The following COX10 variants were observed in gnomAD, a reference collection of about 807,000 sequenced individuals.
The protein encoded by COX10 is cytochrome c oxidase assembly factor heme A:farnesyltransferase COX10, also known as protoheme IX farnesyltransferase, mitochondrial.
COX10 carries 27 observed loss-of-function variants against 37.3 expected under a neutral mutation model. The ratio of observed to expected loss-of-function variants is 0.72; its 90% CI spans 0.53 to 1.00. The LOEUF (loss-of-function observed/expected upper bound fraction) is 1.00. Among genes scored for constraint, COX10 ranks in the 50% least tolerant of loss-of-function variants. The probability of loss-of-function intolerance (pLI) is 0.00; values close to 1 mark genes in which losing one functional copy is unlikely to be tolerated. For missense variants in COX10, 475 were observed against 563.2 expected (o/e 0.84, Z 1.59); for synonymous variants, 222 against 229.1 (o/e 0.97, Z 0.28).
chr17:14,096,661 C>T (rs954754106), intron 3 of COX10, among the ~76,000 whole-genome samples: 7 of 152,094 alleles, frequency 4.6e-5, no homozygotes, highest in African/African-American at 1.7e-4. Flanking sequence ...TGTGCCATGG[C>T]ATCTGGCAAA....
At chr17:14,183,927 A>G (rs1211300035) in intron 5 of COX10, among the ~76,000 whole-genome samples, 2 of 152,398 alleles carry the variant, frequency 1.3e-5, no homozygotes, top group East Asian at 3.9e-4. Context: ...TACACTTAGC[A>G]TAGTGGCTAT....
At chr17:14,086,546 C>T (rs79037012) in intron 3 of COX10, among the ~76,000 whole-genome samples, 1,745 of 152,116 alleles carry the variant, frequency 0.011, 26 homozygotes, top group African/African-American at 0.038. Flanking sequence ...TCTTCTTTTA[C>T]GCCTCTTGAG....
intron 3 of COX10, among the ~76,000 whole-genome samples, chr17:14,085,902 A>T (rs1043423676): frequency 5.9e-5 from 9 of 152,192 alleles, no homozygotes; most frequent in African/African-American, 1.7e-4. Flanking sequence ...TGTCAATTCA[A>T]TGTGTGAAAG....
In COX10 at chr17:14,097,094, G is replaced by A. The variant is rs980056285; in HGVS notation, c.500-5024G>A. 3.9e-5 allele frequency among the ~76,000 whole-genome samples: 6 copies of A among 152,086 alleles called. No individual in the cohort carries two copies. The South Asian group carries it at 1.2e-3, about 32-fold the overall frequency. On this transcript the variant is annotated intron_variant, in intron 3 of 6. Transcript: ENST00000261643. Reference sequence around the variant, plus strand: ...ATATAATTTCAGGTATTATTAATGAGGGAATAGATTGCATTCACTTTTAAT... The same window carrying A: ...ATATAATTTCAGGTATTATTAATGAAGGAATAGATTGCATTCACTTTTAAT...
chr17:14,183,025 A>C (rs1033865082), intron 5 of COX10, among the ~76,000 whole-genome samples: 3 of 151,604 alleles, frequency 2.0e-5, no homozygotes, highest in African/African-American at 7.3e-5. Context: ...AGTAAACAAA[A>C]CAATGTTATA....
chr17:14,078,958 T>C (rs1328101968), intron 3 of COX10, among the ~76,000 whole-genome samples: 1 of 152,166 alleles, frequency 6.6e-6, no homozygotes, highest in African/African-American at 2.4e-5. Flanking sequence ...GCCTGTCTTA[T>C]ATCCAGTCAG....
chr17:14,077,281 AC>A (rs1915177920), intron 3 of COX10: 3 of 526,968 alleles, frequency 5.7e-6, no homozygotes, highest in Non-Finnish European at 1.0e-5. Flanking sequence ...AAAAATAGTC[AC>A]CCTTTCCTTT....
intron 3 of COX10, among the ~76,000 whole-genome samples, chr17:14,100,073 T>G (rs2142198619): frequency 6.6e-6 from 1 of 152,274 alleles, no homozygotes; most frequent in South Asian, 2.1e-4. Context: ...TTTACAACCC[T>G]TATTCACAAT....
rs2856140 is a variant in COX10 at position 14,177,157 on chromosome 17, A to T, written c.696-14832A>T. 4.6e-6 allele frequency: 3 copies of T among 651,228 alleles called. No homozygotes were observed. The East Asian group carries it at 8.2e-5, about 18-fold the overall frequency. The allele number at this position is 651,228 out of a possible 1,614,324, so 40.3% of individuals were successfully genotyped here. ...CCAGCAGTCGCCAGGTGTCTCTCAC[A>T]CTGCTGGGAGAGGAATGTCTCGTCT... On this transcript the variant is annotated intron_variant, in intron 5 of 6. Coordinates refer to ENST00000261643, the MANE Select transcript of COX10 (RefSeq NM_001303.4).
chr17:14,155,373 G>T (rs1255565656), intron 4 of COX10, among the ~76,000 whole-genome samples: 2 of 151,318 alleles, frequency 1.3e-5, no homozygotes. Context: ...TTACAGAATT[G>T]GAGCCCAGGA....
At chr17:14,116,756 A>G (rs961881186) in intron 4 of COX10, among the ~76,000 whole-genome samples, 3 of 152,180 alleles carry the variant, frequency 2.0e-5, no homozygotes, top group Non-Finnish European at 2.9e-5. Context: ...TCATGTTAGC[A>G]CCACCATCAT....
At chr17:14,188,102 C>CTTTTTT (rs1157321131) in intron 5 of COX10, among the ~76,000 whole-genome samples, 2 of 123,600 alleles carry the variant, frequency 1.6e-5, no homozygotes, top group African/African-American at 3.1e-5. Context: ...CCTTCTTCTT[C>CTTTTTT]TTTTTTTTTT....
intron 4 of COX10, among the ~76,000 whole-genome samples, chr17:14,131,155 G>T (rs1432707327): frequency 1.3e-5 from 2 of 152,098 alleles, no homozygotes; most frequent in African/African-American, 4.8e-5. Context: ...TCATAAAAGG[G>T]CAGCTTATTG....
intron 5 of COX10, among the ~76,000 whole-genome samples, chr17:14,180,518 A>T (rs1905825900): frequency 6.6e-6 from 1 of 152,168 alleles, no homozygotes; most frequent in Non-Finnish European, 1.5e-5. Flanking sequence ...TCTCATCATG[A>T]GAAAAAAGAA....
Position 14,071,747 on chromosome 17 carries a change from A to AG in COX10, c.43+2099_43+2100insG, listed in dbSNP as rs1915028512. Among the ~76,000 whole-genome samples the AG allele has an allele frequency of 1.1e-4, 17 of 150,772 alleles. No individual in the cohort carries two copies. In the South Asian group the frequency reaches 3.6e-3, roughly 32 times the overall value. ...AAAAATACCAAAAAAAAAAAAAAAA[A>AG]AAATTAGCCAAGCGCAATGGTGTGC... On this transcript the variant is annotated intron_variant, in intron 1 of 6. Coordinates refer to ENST00000261643, the MANE Select transcript of COX10 (RefSeq NM_001303.4).
At chr17:14,101,505 G>A (rs1915780636) in intron 3 of COX10, among the ~76,000 whole-genome samples, 1 of 152,190 alleles carries the variant, frequency 6.6e-6, no homozygotes, top group African/African-American at 2.4e-5. Flanking sequence ...CTACCGAAAA[G>A]GAGCAGCCTT....
At chr17:14,090,042 C>G (rs1207578207) in intron 3 of COX10, among the ~76,000 whole-genome samples, 1 of 151,980 alleles carries the variant, frequency 6.6e-6, no homozygotes, top group Non-Finnish European at 1.5e-5. Context: ...TCTCCTCTGC[C>G]TGTTCTCCCG....
At chr17:14,095,256 C>T (rs1255058075) in intron 3 of COX10, among the ~76,000 whole-genome samples, 1 of 152,100 alleles carries the variant, frequency 6.6e-6, no homozygotes, top group Non-Finnish European at 1.5e-5. Context: ...CCTCTTTGAC[C>T]TTTTTGGATT....
At chr17:14,190,843 T>G (rs998918468) in intron 5 of COX10, among the ~76,000 whole-genome samples, 2 of 152,114 alleles carry the variant, frequency 1.3e-5, no homozygotes, top group Non-Finnish European at 2.9e-5. Flanking sequence ...ATAGGAACAC[T>G]GCAACCCTGT....
Sources: allele counts gnomAD v4.1 joint callset (sites outside exome capture counted in the v4.1 genomes callset), GRCh38; gene constraint gnomAD v4.1.1; transcripts MANE v1.5; gene names NCBI Gene and HGNC (gene_info 2026-07-23, HGNC 2026-07-21).